RUFY4: variants seen among roughly 807,000 people sequenced by gnomAD.
The protein encoded by RUFY4 is RUN and FYVE domain-containing protein 4.
In RUFY4, 73 loss-of-function variants were observed where a neutral mutation model predicts 69.0. That is an observed-to-expected ratio of 1.06 (90% CI 0.88 to 1.29). The LOEUF (loss-of-function observed/expected upper bound fraction) is 1.29, where lower values mean the gene tolerates loss of function less well. Ranked by LOEUF, RUFY4 falls within the 50% of genes most tolerant of loss-of-function variation. RUFY4 has a pLI of 0.00. For missense variants in RUFY4, 770 were observed against 705.6 expected (o/e 1.09, Z -1.03); for synonymous variants, 287 against 271.8 (o/e 1.06, Z -0.55).
chr2:218,081,169 C>G (rs1689752582), intron 8 of RUFY4, among the ~76,000 whole-genome samples: 1 of 152,150 alleles, frequency 6.6e-6, no homozygotes, highest in African/African-American at 2.4e-5. Context: ...AGATTAACAT[C>G]TACTTTTCCT....
At chr2:218,037,327 A>AG in intron 2 of RUFY4, among the ~76,000 whole-genome samples, 1 of 151,988 alleles carries the variant, frequency 6.6e-6, no homozygotes, top group East Asian at 1.9e-4. Flanking sequence ...CTCAAAAAAA[A>AG]AAAAGATAAT....
chr2:218,053,972 G>A (rs1689004813), intron 2 of RUFY4, among the ~76,000 whole-genome samples: 2 of 152,178 alleles, frequency 1.3e-5, no homozygotes, highest in African/African-American at 4.8e-5. Flanking sequence ...ATATTCATGT[G>A]GATGTTACTG....
chr2:218,079,352 G>T (rs905744721), intron 8 of RUFY4, among the ~76,000 whole-genome samples: 1 of 152,162 alleles, frequency 6.6e-6, no homozygotes, highest in South Asian at 2.1e-4. Context: ...TGAGGAATTG[G>T]ATATGCTGTA....
At chr2:218,047,179 C>A (rs1278871746) in intron 2 of RUFY4, among the ~76,000 whole-genome samples, 1 of 151,952 alleles carries the variant, frequency 6.6e-6, no homozygotes. Context: ...TGTTTCTAGG[C>A]CAATTATTTA....
intron 8 of RUFY4, 148 bp downstream of exon 10, chr2:218,076,681 G>A (rs1435825817): frequency 1.5e-6 from 2 of 1,342,916 alleles, no homozygotes; most frequent in Non-Finnish European, 2.0e-6. Flanking sequence ...GGCCTGCAGG[G>A]CATTGCTCCT....
intron 6 of RUFY4, 21 bp from the exon 9 acceptor site, chr2:218,075,072 G>C: frequency 1.3e-6 from 2 of 1,492,610 alleles, no homozygotes; most frequent in Non-Finnish European, 1.8e-6. Context: ...AGGGATGACT[G>C]GTTTTGGGTC....
intron 4 of RUFY4, 107 bp from the exon 7 acceptor site, chr2:218,073,136 T>G: frequency 7.3e-7 from 1 of 1,361,704 alleles, no homozygotes; most frequent in Non-Finnish European, 9.9e-7. Context: ...CATGACGGTG[T>G]GTAGTGGAGG....
chr2:218,049,386 T>C (rs1367523579), intron 2 of RUFY4, among the ~76,000 whole-genome samples: 4 of 152,244 alleles, frequency 2.6e-5, no homozygotes, highest in Non-Finnish European at 4.4e-5. Flanking sequence ...AAGTTTTTCC[T>C]TCAGCACTTT....
At chr2:218,063,938 T>TA (rs1689260358) in intron 3 of RUFY4, among the ~76,000 whole-genome samples, 2 of 152,164 alleles carry the variant, frequency 1.3e-5, no homozygotes, top group Admixed American at 6.5e-5. Flanking sequence ...CCCCTCTTGA[T>TA]ACCTGCTCCT....
chr2:218,063,551 A>G (rs1423718211), intron 3 of RUFY4, among the ~76,000 whole-genome samples: 1 of 152,236 alleles, frequency 6.6e-6, no homozygotes, highest in Non-Finnish European at 1.5e-5. Context: ...ATTGAAAGCT[A>G]TGCCCACACA....
exon 7 of RUFY4, chr2:218,075,680 A>G (rs2106057010): frequency 6.7e-7 from 1 of 1,487,470 alleles, no homozygotes; most frequent in African/African-American, 1.4e-5. Context: ...TGCAAACAGA[A>G]GTGACCCTTG....
At chr2:218,076,391 C>T (rs1480074927) in intron 7 of RUFY4, 36 bp from the exon 10 acceptor site, 3 of 1,546,088 alleles carry the variant, frequency 1.9e-6, no homozygotes, top group East Asian at 4.9e-5. Context: ...CTGCCCTTCT[C>T]CTTCAGCCTC....
upstream of RUFY4, among the ~76,000 whole-genome samples, chr2:218,065,262 G>A (rs1015384973): frequency 5.3e-5 from 8 of 152,338 alleles, no homozygotes; most frequent in Non-Finnish European, 1.0e-4. Flanking sequence ...TAGGAGAGGA[G>A]GGGTGGGGGG....
At chr2:218,090,418 G>T (rs548380748) in exon 11 of RUFY4, 19 of 236,538 alleles carry the variant, frequency 8.0e-5, no homozygotes, top group African/African-American at 4.2e-4. Context: ...ACCCAGCAGC[G>T]GTGCCCACCT....
intron 9 of RUFY4, among the ~76,000 whole-genome samples, chr2:218,087,622 A>G (rs1275500572): frequency 6.6e-6 from 1 of 152,216 alleles, no homozygotes; most frequent in African/African-American, 2.4e-5. Flanking sequence ...TGAGTTCAGG[A>G]GTTTGAGACT....
chr2:218,070,512 G>T, exon 1 of RUFY4: 2 of 1,111,474 alleles, frequency 1.8e-6, no homozygotes, highest in Non-Finnish European at 2.6e-6. Context: ...TCTGCGTCCT[G>T]CTTTGTGTAA....
intron 3 of RUFY4, chr2:218,060,600 G>A (rs1013797421): frequency 6.7e-6 from 9 of 1,343,852 alleles, no homozygotes; most frequent in African/African-American, 1.4e-5. Context: ...CCATGAGGGT[G>A]TCTGCCAGCA....
chr2:218,049,415 T>A (rs1688896137), intron 2 of RUFY4, among the ~76,000 whole-genome samples: 1 of 152,208 alleles, frequency 6.6e-6, no homozygotes, highest in East Asian at 1.9e-4. Context: ...CATCTCACTC[T>A]CCTGGCCAGT....
intron 2 of RUFY4, among the ~76,000 whole-genome samples, chr2:218,046,375 T>C (rs549989957): frequency 1.3e-5 from 2 of 152,198 alleles, no homozygotes; most frequent in East Asian, 1.9e-4. Flanking sequence ...CTTCCCAGCC[T>C]CTAGTAACCT....
Sources: gnomAD v4.1 joint callset for allele counts (sites outside exome capture counted in the v4.1 genomes callset) on GRCh38, gnomAD v4.1.1 for gene constraint, MANE v1.5 for transcripts, NCBI Gene and HGNC (gene_info 2026-07-23, HGNC 2026-07-21) for gene names.